NKAIN3: variants seen among roughly 807,000 people sequenced by gnomAD.
NKAIN3 encodes the protein sodium/potassium-transporting ATPase subunit beta-1-interacting protein 3.
Under a neutral mutation model 30.2 loss-of-function variants are expected in NKAIN3, and 25 were observed. The observed-to-expected ratio is 0.83, with a 90% CI of 0.60 to 1.16. NKAIN3 has a LOEUF of 1.16. Ranked by LOEUF, NKAIN3 falls within the 50% of genes most tolerant of loss-of-function variation. The pLI, the probability that NKAIN3 is intolerant of heterozygous loss-of-function variation, is 0.00. For synonymous variants in NKAIN3, 91 were observed against 89.6 expected, an observed-to-expected ratio of 1.02 and a Z score of -0.09; for missense variants, 225 against 254.1, an observed-to-expected ratio of 0.89 and a Z score of 0.78.
Position 62,983,942 on chromosome 8 carries a change from A to G in NKAIN3, c.*18535A>G, listed in dbSNP as rs1396361528. On this transcript the variant is annotated 3_prime_UTR_variant, in exon 7 of 7. Transcript: ENST00000623646. ...GACTTTGGACCCAGTTTGACTGGTT[A>G]GCGTTTAAATAAAACTTAACAGACT... 2.0e-5 allele frequency: 3 copies of G among 152,238 alleles called. No individual in the cohort carries two copies. Among genetic ancestry groups the G allele is most frequent in the Non-Finnish European group, 4.4e-5 (3 of 68,048 alleles). 9.4% of individuals were successfully genotyped at this position (152,238 alleles called of 1,614,324 possible). A position where few individuals can be genotyped will look rare whatever the true frequency, so the allele number is the denominator to read the frequency against.
At chr8:62,609,628 TG>T (rs1811227804) in intron 3 of NKAIN3, among the ~76,000 whole-genome samples, 2 of 152,064 alleles carry the variant, frequency 1.3e-5, no homozygotes, top group South Asian at 4.2e-4. Context: ...ACACTATAAT[TG>T]CTTGTTGTAT....
At chr8:62,718,839 G>T (rs2130511695) in intron 3 of NKAIN3, among the ~76,000 whole-genome samples, 1 of 151,504 alleles carries the variant, frequency 6.6e-6, no homozygotes, top group South Asian at 2.1e-4. Context: ...AATATATGTG[G>T]AATTGATCAT....
At chr8:62,947,244 T>A (rs1425874219) in intron 5 of NKAIN3, among the ~76,000 whole-genome samples, 1 of 152,196 alleles carries the variant, frequency 6.6e-6, no homozygotes, top group Non-Finnish European at 1.5e-5. Flanking sequence ...CTTATAATTA[T>A]TAACCCCTTC....
At chr8:62,668,109 CAT>C (rs1275806410) in intron 3 of NKAIN3, among the ~76,000 whole-genome samples, 1 of 118,592 alleles carries the variant, frequency 8.4e-6, no homozygotes, top group Admixed American at 7.8e-5. Flanking sequence ...CACACACACA[CAT>C]ACACACACAC....
chr8:62,824,307 G>A (rs190453724), intron 4 of NKAIN3, among the ~76,000 whole-genome samples: 6 of 152,228 alleles, frequency 3.9e-5, no homozygotes, highest in Middle Eastern at 3.4e-3. Flanking sequence ...TGAGTGGCAT[G>A]CCACTACACC....
intron 5 of NKAIN3, among the ~76,000 whole-genome samples, chr8:62,945,970 A>C (rs1311404437): frequency 6.6e-6 from 1 of 152,176 alleles, no homozygotes; most frequent in Admixed American, 6.6e-5. Flanking sequence ...GAAGTAAAAA[A>C]TGTTGGTAAA....
In NKAIN3 at chr8:62,746,792, C is replaced by G. The variant is rs991147713; in HGVS notation, c.274-140C>G. ...ATATAATACATGCAGCCACTTGGGG[C>G]TTTGTCTTTTGTTACTTTTCACTTG... On this transcript the variant is annotated intron_variant, in intron 3 of 6. Coordinates refer to ENST00000623646, the MANE Select transcript of NKAIN3 (RefSeq NM_001304533.3). 3.4e-5 allele frequency: 20 copies of G among 593,256 alleles called. No homozygotes were observed. The East Asian group carries it at 5.0e-4, about 15-fold the overall frequency. 36.7% of individuals were successfully genotyped at this position (593,256 alleles called of 1,614,324 possible).
rs189187378 is a variant in NKAIN3, at chr8:62,402,821, T to A, written c.54+153694T>A. 4.0e-4 allele frequency among the ~76,000 whole-genome samples: 61 copies of A among 152,214 alleles called. 1 individual carries two copies. Among genetic ancestry groups the A allele is most frequent in the African/African-American group, 1.5e-3 (61 of 41,528 alleles). Reference sequence around the variant, plus strand: ...TACCGCAAAAAGTGGGGTGCTGCTGTAAAGATAACCAAAAATGTGGAAGCA... The same window carrying A: ...TACCGCAAAAAGTGGGGTGCTGCTGAAAAGATAACCAAAAATGTGGAAGCA... On this transcript the variant is annotated intron_variant, in intron 1 of 6. Transcript: ENST00000623646.
chr8:62,345,262 C>T (rs1251985702), intron 1 of NKAIN3, among the ~76,000 whole-genome samples: 5 of 144,470 alleles, frequency 3.5e-5, no homozygotes, highest in African/African-American at 1.4e-4. Flanking sequence ...TATATATACA[C>T]ACACACACAC....
chr8:62,282,573 A>G (rs1045171197), intron 1 of NKAIN3, among the ~76,000 whole-genome samples: 1 of 152,206 alleles, frequency 6.6e-6, no homozygotes, highest in African/African-American at 2.4e-5. Context: ...GGGCTTTCAC[A>G]GTTCTAATGT....
intron 4 of NKAIN3, among the ~76,000 whole-genome samples, chr8:62,773,186 G>C (rs898955528): frequency 6.6e-5 from 10 of 152,012 alleles, no homozygotes; most frequent in Non-Finnish European, 4.4e-5. Flanking sequence ...TTGATGATTT[G>C]AGATCTTATA....
intron 1 of NKAIN3, among the ~76,000 whole-genome samples, chr8:62,485,221 AT>A (rs960708981): frequency 6.6e-6 from 1 of 152,092 alleles, no homozygotes; most frequent in African/African-American, 2.4e-5. Flanking sequence ...AGGGAGAAAG[AT>A]TGGTGACTGT....
intron 5 of NKAIN3, among the ~76,000 whole-genome samples, chr8:62,993,259 G>A (rs1427808937): frequency 1.3e-5 from 2 of 152,070 alleles, no homozygotes; most frequent in Admixed American, 6.6e-5. Flanking sequence ...AAAGGAAATA[G>A]AATATAGTGA....
Position 62,657,464 on chromosome 8 carries a change from A to C in NKAIN3, c.273+67670A>C, listed in dbSNP as rs192026327. Among the ~76,000 whole-genome samples, 46 of 152,328 alleles carry C rather than the reference A, an allele frequency of 3.0e-4. No individual in the cohort carries two copies. The East Asian group carries it at 8.5e-3, about 28-fold the overall frequency. ...ACAGGACTTTCACAAATATGTAAGCAATCTTCTTTTTATCATCTTCTGTGT... is the reference window on the plus strand; with the variant it reads ...ACAGGACTTTCACAAATATGTAAGCCATCTTCTTTTTATCATCTTCTGTGT... On this transcript the variant is annotated intron_variant, in intron 3 of 6. Transcript: ENST00000623646.
At chr8:62,368,075 C>A (rs1816793676) in intron 1 of NKAIN3, among the ~76,000 whole-genome samples, 2 of 152,196 alleles carry the variant, frequency 1.3e-5, no homozygotes, top group South Asian at 4.1e-4. Flanking sequence ...CTTGATGACA[C>A]AAATAAATGG....
chr8:62,871,377 T>C (rs1322173390), intron 4 of NKAIN3, among the ~76,000 whole-genome samples: 2 of 135,156 alleles, frequency 1.5e-5, no homozygotes, highest in Non-Finnish European at 3.1e-5. Context: ...CACTCCAACC[T>C]GGGTGACAGA....
At chr8:62,320,493 G>T (rs981025039) in intron 1 of NKAIN3, among the ~76,000 whole-genome samples, 2 of 152,008 alleles carry the variant, frequency 1.3e-5, no homozygotes, top group African/African-American at 4.8e-5. Context: ...TCCATGTTTA[G>T]TGCTTCCTTC....
chr8:62,960,512 G>GA (rs960936478), intron 6 of NKAIN3, among the ~76,000 whole-genome samples: 18 of 147,384 alleles, frequency 1.2e-4, no homozygotes, highest in African/African-American at 2.0e-4. Flanking sequence ...CACCACCCCT[G>GA]AAAAAAAAAA....
chr8:62,861,905 G>A (rs1586281249), intron 4 of NKAIN3, among the ~76,000 whole-genome samples: 2 of 152,284 alleles, frequency 1.3e-5, no homozygotes, highest in South Asian at 2.1e-4. Flanking sequence ...TAGCACAGGT[G>A]AACTATAGTT....
Sources: allele counts gnomAD v4.1 joint callset (sites outside exome capture counted in the v4.1 genomes callset), GRCh38; gene constraint gnomAD v4.1.1; transcripts MANE v1.5; gene names NCBI Gene and HGNC (gene_info 2026-07-23, HGNC 2026-07-21).